Variants in ABCA13 observed in about 807,000 individuals in gnomAD.
ABCA13 encodes ATP binding cassette subfamily A member 13, also known as ATP-binding cassette sub-family A member 13.
A neutral mutation model predicts 478.7 loss-of-function variants in ABCA13; 476 were observed. That is an observed-to-expected ratio of 0.99 (90% CI 0.92 to 1.07). ABCA13 has a LOEUF of 1.07. Among genes scored for constraint, ABCA13 ranks in the 50% least tolerant of loss-of-function variants. The pLI is 0.00. For synonymous variants in ABCA13, 2,252 were observed against 2,158.9 expected, an observed-to-expected ratio of 1.04 and a Z score of -1.20; for missense variants, 6,060 against 5,910.6, an observed-to-expected ratio of 1.03 and a Z score of -0.83.
intron 58 of ABCA13, among the ~76,000 whole-genome samples, chr7:48,602,991 A>G (rs11825630): frequency 6.6e-6 from 1 of 152,052 alleles, no homozygotes; most frequent in East Asian, 1.9e-4. Flanking sequence ...CTTTGTAGCA[A>G]TTGTGAATGG....
intron 1 of ABCA13, among the ~76,000 whole-genome samples, chr7:48,173,697 T>G (rs1794462239): frequency 6.6e-6 from 1 of 152,246 alleles, no homozygotes; most frequent in Admixed American, 6.5e-5. Context: ...GCATAGAATT[T>G]GGAGCTGCCT....
At position 48,595,713 on chromosome 7, in the gene ABCA13, C is replaced by T. The variant is rs149904040; in HGVS notation, c.14744+900C>T. On this transcript the variant is annotated intron_variant, in intron 58 of 61. Transcript: ENST00000435803. The stretch of plus-strand genomic sequence containing the variant: ...CACACAGAGGAGAGGAATGCCAAAT[C>T]TGGTGAAATTACTACCTTATAACAT... 1.2e-4 allele frequency among the ~76,000 whole-genome samples: 18 copies of T among 152,330 alleles called. 1 individual carries two copies. Among genetic ancestry groups the T allele is most frequent in the African/African-American group, 4.3e-4 (18 of 41,572 alleles).
At chr7:48,414,594 A>G (rs1471670812) in intron 41 of ABCA13, among the ~76,000 whole-genome samples, 1 of 150,086 alleles carries the variant, frequency 6.7e-6, no homozygotes, top group African/African-American at 2.4e-5. Context: ...TATAATATAC[A>G]TACATATACA....
chr7:48,605,967 T>TC (rs1287702372), intron 58 of ABCA13, among the ~76,000 whole-genome samples: 1 of 152,246 alleles, frequency 6.6e-6, no homozygotes, highest in Non-Finnish European at 1.5e-5. Flanking sequence ...GAATTGATCT[T>TC]CAGTCTCTGA....
chr7:48,278,517 G>T lies in ABCA13; in HGVS notation c.7323G>T (p.Leu2441Phe). Reference protein sequence around the residue: ...LHSPNKDFYALYPTLQEVILA... With the variant: ...LHSPNKDFYAFYPTLQEVILA... Reference sequence around the variant, plus strand: ...CTCCTAATAAGGACTTCTATGCTTTGTATCCTACCCTCCAAGAAGTTATAC... The same window carrying T: ...CTCCTAATAAGGACTTCTATGCTTTTTATCCTACCCTCCAAGAAGTTATAC... Residue 2441 changes from leucine to phenylalanine, a missense_variant, in exon 18 of 62, where the codon TTG (leucine) becomes TTT (phenylalanine). Physicochemically the swap from Leu to Phe is conservative, Grantham distance 22. Coordinates refer to ENST00000435803, the MANE Select transcript of ABCA13 (RefSeq NM_152701.5). The T allele has an allele frequency of 6.2e-7, 1 of 1,613,862 alleles. No individual in the cohort carries two copies. The highest frequency in any genetic ancestry group is 8.5e-7 in the Non-Finnish European group (1 of 1,179,824).
chr7:48,358,575 A>G (rs1053451362), intron 31 of ABCA13, among the ~76,000 whole-genome samples: 2 of 151,990 alleles, frequency 1.3e-5, no homozygotes, highest in Non-Finnish European at 2.9e-5. Flanking sequence ...TTATTCCTCT[A>G]TTCATCTATG....
chr7:48,511,051 A>G, intron 50 of ABCA13, 33 bp from the exon 51 acceptor site: 1 of 1,527,100 alleles, frequency 6.5e-7, no homozygotes, highest in South Asian at 1.1e-5. Context: ...ATCTGATGTA[A>G]CAGCTCTCCC....
chr7:48,408,273 C>T (rs1425225572), intron 39 of ABCA13, among the ~76,000 whole-genome samples: 1 of 152,224 alleles, frequency 6.6e-6, no homozygotes, highest in African/African-American at 2.4e-5. Context: ...CTGGCAACAA[C>T]CATTCTACTC....
At chr7:48,534,411 T>A (rs932179089) in intron 55 of ABCA13, among the ~76,000 whole-genome samples, 1 of 152,240 alleles carries the variant, frequency 6.6e-6, no homozygotes, top group African/African-American at 2.4e-5. Flanking sequence ...TAAGATTCTT[T>A]CCCTTGTCTT....
At chr7:48,572,143 G>A (rs1242563004) in intron 55 of ABCA13, among the ~76,000 whole-genome samples, 1 of 152,170 alleles carries the variant, frequency 6.6e-6, no homozygotes, top group East Asian at 1.9e-4. Context: ...CCGTGCCAAT[G>A]CATTCCAGCC....
chr7:48,405,656 C>G (rs1418008047), intron 39 of ABCA13, among the ~76,000 whole-genome samples: 2 of 152,176 alleles, frequency 1.3e-5, no homozygotes. Context: ...ATACCACAAG[C>G]CCACTACTCT....
intron 55 of ABCA13, among the ~76,000 whole-genome samples, chr7:48,559,617 G>A (rs1786238126): frequency 1.3e-5 from 2 of 152,054 alleles, no homozygotes; most frequent in Admixed American, 1.3e-4. Context: ...TTTTATCATA[G>A]CCACTACAGC....
intron 24 of ABCA13, among the ~76,000 whole-genome samples, chr7:48,312,725 A>AT (rs147266378): frequency 0.011 from 1,667 of 152,380 alleles, 33 homozygotes; most frequent in African/African-American, 0.038. Context: ...ATTGCTTCAC[A>AT]TATAAGGACT....
intron 27 of ABCA13, among the ~76,000 whole-genome samples, chr7:48,329,318 C>A (rs972226422): frequency 5.3e-5 from 8 of 152,040 alleles, no homozygotes; most frequent in Non-Finnish European, 8.8e-5. Flanking sequence ...TGGTACAGTG[C>A]GAAAAGTGTA....
At chr7:48,231,823 G>T (rs1387356775) in intron 7 of ABCA13, among the ~76,000 whole-genome samples, 1 of 152,016 alleles carries the variant, frequency 6.6e-6, no homozygotes, top group African/African-American at 2.4e-5. Flanking sequence ...CACCACGCCT[G>T]GCTAATTTTT....
chr7:48,214,474 C>T lies in ABCA13; in HGVS notation c.288-4880C>T, dbSNP rs116619880. ...AAGGTAGGCATTGACTTCTCCTCTC[C>T]GGTTAATGAAAGTCCTAGATAGCAT... On this transcript the variant is annotated intron_variant, in intron 3 of 61. Transcript: ENST00000435803. 1.1e-3 allele frequency among the ~76,000 whole-genome samples: 161 copies of T among 152,268 alleles called. 1 individual carries two copies. Among genetic ancestry groups the T allele is most frequent in the African/African-American group, 2.2e-3 (93 of 41,574 alleles).
intron 50 of ABCA13, among the ~76,000 whole-genome samples, chr7:48,510,654 C>G (rs1206395905): frequency 6.6e-6 from 1 of 152,140 alleles, no homozygotes; most frequent in African/African-American, 2.4e-5. Context: ...AGTCTGAGAT[C>G]AAGGTGTTGG....
intron 8 of ABCA13, among the ~76,000 whole-genome samples, chr7:48,235,386 A>G (rs1562842981): frequency 6.6e-6 from 1 of 152,184 alleles, no homozygotes; most frequent in Non-Finnish European, 1.5e-5. Flanking sequence ...GAACTATGTA[A>G]AACTTTTACC....
At chr7:48,509,164 C>G (rs10231796) in intron 50 of ABCA13, among the ~76,000 whole-genome samples, 171 of 152,196 alleles carry the variant, frequency 1.1e-3, no homozygotes, top group African/African-American at 4.0e-3. Context: ...GAATCTTAAC[C>G]AAGATTGACA....
Sources: allele counts gnomAD v4.1 joint callset (sites outside exome capture counted in the v4.1 genomes callset), GRCh38; gene constraint gnomAD v4.1.1; transcripts MANE v1.5; gene names NCBI Gene and HGNC (gene_info 2026-07-23, HGNC 2026-07-21).